The following TACC1 variants were observed in gnomAD, a reference collection of about 807,000 sequenced individuals.
TACC1 encodes transforming acidic coiled-coil containing protein 1, also known as transforming acidic coiled-coil-containing protein 1.
In TACC1, 48 loss-of-function variants were observed where a neutral mutation model predicts 84.4. The ratio of observed to expected loss-of-function variants is 0.57; its 90% CI spans 0.45 to 0.72. The LOEUF is 0.72. Among genes scored for constraint, TACC1 ranks in the 30% least tolerant of loss-of-function variants. The probability of loss-of-function intolerance (pLI) is 0.00; values close to 1 mark genes in which losing one functional copy is unlikely to be tolerated. For missense variants in TACC1, 920 were observed against 973.0 expected (o/e 0.95, Z 0.72); for synonymous variants, 372 against 376.3 (o/e 0.99, Z 0.13).
intron 3 of TACC1, among the ~76,000 whole-genome samples, chr8:38,751,139 T>C (rs1808959286): frequency 1.3e-5 from 2 of 152,130 alleles, no homozygotes; most frequent in African/African-American, 4.8e-5. Flanking sequence ...GAGATAAGCA[T>C]GTGACTTCCC....
In TACC1 at chr8:38,838,515, G is replaced by A. The variant is rs894155733; in HGVS notation, c.1885G>A (p.Glu629Lys). The A allele has an allele frequency of 1.2e-6, 2 of 1,613,934 alleles. No homozygotes were observed. Among genetic ancestry groups the A allele is most frequent in the Non-Finnish European group, 1.7e-6 (2 of 1,179,850 alleles). Residue 629 changes from glutamate (E) to lysine (K), a missense_variant, in exon 8 of 13, where the codon GAA becomes AAA. By Grantham distance (56) the Glu-to-Lys change is moderately conservative (BLOSUM62 1). Coordinates refer to ENST00000317827, the MANE Select transcript of TACC1 (RefSeq NM_006283.3). The stretch of plus-strand genomic sequence containing the variant: ...AGCAAATGAATGGAAGAAGAAATAC[G>A]AAGAGACCCGGCAAGAAGTTTTGGA... ...IEANEWKKKY[E>K]ETRQEVLEMR...
intron 3 of TACC1, chr8:38,824,114 CTTCTAA>C (rs1827505213): frequency 1.9e-6 from 2 of 1,041,530 alleles, no homozygotes; most frequent in Non-Finnish European, 2.7e-6. Context: ...AGCATGTTTG[CTTCTAA>C]TTCTGAGTTT....
intron 1 of TACC1, among the ~76,000 whole-genome samples, chr8:38,734,928 G>A (rs1340242605): frequency 6.6e-6 from 1 of 152,238 alleles, no homozygotes; most frequent in African/African-American, 2.4e-5. Flanking sequence ...ATAGTCTCAC[G>A]TTTCCTTTTC....
At chr8:38,743,967 C>A (rs930532434) in intron 2 of TACC1, 1 of 152,198 alleles carries the variant, frequency 6.6e-6, no homozygotes, top group East Asian at 1.9e-4. Context: ...GATTCAGGCT[C>A]CTTTAACCTC....
At chr8:38,749,193 G>C (rs184438272) in intron 3 of TACC1, among the ~76,000 whole-genome samples, 1 of 152,012 alleles carries the variant, frequency 6.6e-6, no homozygotes, top group African/African-American at 2.4e-5. Flanking sequence ...ACACATTCTG[G>C]GAAATACATA....
intron 4 of TACC1, among the ~76,000 whole-genome samples, chr8:38,826,613 G>C (rs1244630019): frequency 1.3e-5 from 2 of 152,144 alleles, no homozygotes; most frequent in African/African-American, 4.8e-5. Flanking sequence ...ATAGTTTCTT[G>C]ATGGAAGTGG....
intron 3 of TACC1, among the ~76,000 whole-genome samples, chr8:38,779,959 A>T (rs1815604864): frequency 6.6e-6 from 1 of 152,188 alleles, no homozygotes; most frequent in African/African-American, 2.4e-5. Context: ...GGCTTAAATG[A>T]TCTTACTTGT....
intron 9 of TACC1, 73 bp downstream of exon 9, chr8:38,840,340 A>G: frequency 7.4e-7 from 1 of 1,356,286 alleles, no homozygotes; most frequent in Non-Finnish European, 1.0e-6. Flanking sequence ...CTGGTATAAC[A>G]AAATATGTAA....
chr8:38,846,283 C>CAAAAAAAAAAA (rs538545237), intron 11 of TACC1: 1 of 59,654 alleles, frequency 1.7e-5, no homozygotes, highest in Non-Finnish European at 3.1e-5. Flanking sequence ...GACTCCATCT[C>CAAAAAAAAAAA]AAAAAAAAAA....
chr8:38,831,211 C>T, intron 6 of TACC1, 34 bp downstream of exon 6: 2 of 1,611,362 alleles, frequency 1.2e-6, no homozygotes, highest in Non-Finnish European at 1.7e-6. Context: ...CGGGTGGACT[C>T]AGGTTTCTTT....
chr8:38,800,109 C>T (rs1268567643), intron 2 of TACC1, among the ~76,000 whole-genome samples: 4 of 152,156 alleles, frequency 2.6e-5, no homozygotes, highest in Admixed American at 2.0e-4. Context: ...TCCAGTGAGC[C>T]GTAATCGCCC....
chr8:38,810,732 T>C (rs1823891170), intron 2 of TACC1, among the ~76,000 whole-genome samples: 2 of 152,260 alleles, frequency 1.3e-5, no homozygotes, highest in Admixed American at 1.3e-4. Flanking sequence ...TGATCACATC[T>C]ATATCCATGG....
chr8:38,792,781 G>T (rs1819030978), intron 2 of TACC1, among the ~76,000 whole-genome samples: 1 of 151,666 alleles, frequency 6.6e-6, no homozygotes, highest in African/African-American at 2.4e-5. Context: ...TTTATTTTTT[G>T]TAGAGATAGG....
intron 6 of TACC1, 21 bp from the exon 7 acceptor site, chr8:38,836,141 G>A (rs769559773): frequency 7.4e-6 from 12 of 1,612,186 alleles, no homozygotes; most frequent in Non-Finnish European, 1.0e-5. Context: ...GACAGATTCA[G>A]TGTAATCCCT....
At position 38,770,408 on chromosome 8, in the gene TACC1, C is replaced by T. The variant is rs544158314; in HGVS notation, c.27-18296C>T. ...ACCCTCGGGTTTTCCCTCCCCTGCC[C>T]CCTCCGCCGCGCTCTCCCCCTTCGC... On this transcript the variant is annotated intron_variant, in intron 3 of 14. Coordinates refer to the TACC1 transcript ENST00000518415. Among the ~76,000 whole-genome samples the T allele has an allele frequency of 5.4e-4, 82 of 152,190 alleles. 1 individual carries two copies. Among genetic ancestry groups the T allele is most frequent in the South Asian group, 1.5e-3 (7 of 4,822 alleles).
intron 3 of TACC1, among the ~76,000 whole-genome samples, chr8:38,776,053 T>A (rs1814736576): frequency 6.6e-6 from 1 of 152,216 alleles, no homozygotes; most frequent in African/African-American, 2.4e-5. Flanking sequence ...CAGTTATTAT[T>A]TATTATTGTT....
chr8:38,776,207 CCTT>C (rs1255109852), intron 3 of TACC1, among the ~76,000 whole-genome samples: 1 of 152,216 alleles, frequency 6.6e-6, no homozygotes, highest in East Asian at 1.9e-4. Flanking sequence ...TTGACTCCCT[CCTT>C]CTTCAACGTT....
intron 7 of TACC1, 85 bp downstream of exon 7, chr8:38,836,372 C>A: frequency 6.5e-7 from 1 of 1,545,548 alleles, no homozygotes; most frequent in Non-Finnish European, 8.8e-7. Context: ...TCTCTGCTGG[C>A]TCAAGTTATC....
At chr8:38,792,961 G>T (rs1403535696) in intron 2 of TACC1, among the ~76,000 whole-genome samples, 1 of 152,108 alleles carries the variant, frequency 6.6e-6, no homozygotes, top group African/African-American at 2.4e-5. Context: ...AGCTGTTTCA[G>T]TCACAAAAAC....
Sources: allele counts gnomAD v4.1 joint callset (sites outside exome capture counted in the v4.1 genomes callset), GRCh38; gene constraint gnomAD v4.1.1; transcripts MANE v1.5; gene names NCBI Gene and HGNC (gene_info 2026-07-23, HGNC 2026-07-21).